The following IL36B variants were observed in gnomAD, a reference collection of about 807,000 sequenced individuals.
IL36B encodes interleukin-36 beta.
A neutral mutation model predicts 19.3 loss-of-function variants in IL36B; 23 were observed. The observed-to-expected ratio is 1.19, with a 90% confidence interval of 0.86 to 1.69. The LOEUF (loss-of-function observed/expected upper bound fraction) is 1.69. IL36B is among the 40% of genes most tolerant of loss of function. IL36B has a pLI of 0.00. For synonymous variants in IL36B, 59 were observed against 59.7 expected, an observed-to-expected ratio of 0.99 and a Z score of 0.05; for missense variants, 217 against 200.5, an observed-to-expected ratio of 1.08 and a Z score of -0.50.
intron 2 of IL36B, 60 bp downstream of exon 2, chr2:113,031,637 A>T: frequency 7.0e-7 from 1 of 1,425,702 alleles, no homozygotes; most frequent in Non-Finnish European, 9.9e-7. Context: ...CTTCCATCCT[A>T]TTGTCTTTGA....
At chr2:113,052,218 G>A (rs987013169) in intron 1 of IL36B, among the ~76,000 whole-genome samples, 2 of 152,104 alleles carry the variant, frequency 1.3e-5, no homozygotes, top group African/African-American at 4.8e-5. Flanking sequence ...CCAAGGTACT[G>A]GGATTACAGG....
intron 3 of IL36B, 97 bp downstream of exon 3, chr2:113,030,951 G>T: frequency 1.2e-6 from 1 of 831,064 alleles, no homozygotes; most frequent in South Asian, 1.4e-5. Flanking sequence ...GCCTAGAAGT[G>T]GGTGAGGTCC....
At chr2:113,052,414 C>T (rs1685465083) in intron 1 of IL36B, among the ~76,000 whole-genome samples, 1 of 152,296 alleles carries the variant, frequency 6.6e-6, no homozygotes, top group South Asian at 2.1e-4. Context: ...AGTCAAGCTG[C>T]AAGAGTACCA....
intron 1 of IL36B, among the ~76,000 whole-genome samples, chr2:113,037,330 T>G (rs1447899679): frequency 6.6e-6 from 1 of 152,182 alleles, no homozygotes; most frequent in Non-Finnish European, 1.5e-5. Context: ...CTTTGTGGCT[T>G]TTTTAGAAGA....
intron 1 of IL36B, among the ~76,000 whole-genome samples, chr2:113,044,248 A>C (rs1685308394): frequency 6.7e-6 from 1 of 149,272 alleles, no homozygotes; most frequent in Admixed American, 6.8e-5. Context: ...ACTTTGATAT[A>C]TCTATATCTA....
intron 4 of IL36B, chr2:113,027,660 G>T: frequency 7.5e-7 from 1 of 1,338,970 alleles, no homozygotes; most frequent in Non-Finnish European, 9.6e-7. Flanking sequence ...TGGATGGTGG[G>T]GTAAGATCAA....
chr2:113,022,955 T>C (rs1480505153), intron 5 of IL36B, among the ~76,000 whole-genome samples: 1 of 152,140 alleles, frequency 6.6e-6, no homozygotes, highest in Admixed American at 6.5e-5. Flanking sequence ...ATTATTACAG[T>C]GACTGGAGAA....
rs553704042 is a variant in IL36B, at chr2:113,035,959, T to TCGA, written c.-57-4194_-57-4193insTCG. Among the ~76,000 whole-genome samples, 19 of 152,324 alleles carry TCGA rather than the reference T, an allele frequency of 1.2e-4. No individual in the cohort carries two copies. The South Asian group carries it at 3.7e-3, about 30-fold the overall frequency. On this transcript the variant is annotated intron_variant, in intron 1 of 5. Transcript: ENST00000259213. ...TTTTGCACTTTTCGATTCTTTTGTT[T>TCGA]TTTTCTTTTCTTTTGCTCTGTCGCC...
chr2:113,031,915 A>G (rs1460247320), intron 1 of IL36B, 149 bp from the exon 2 acceptor site: 3 of 534,102 alleles, frequency 5.6e-6, no homozygotes, highest in Non-Finnish European at 9.9e-6. Context: ...AAGGATGGGT[A>G]CAGGACATTT....
intron 5 of IL36B, among the ~76,000 whole-genome samples, chr2:113,025,056 A>T (rs1684932168): frequency 6.6e-6 from 1 of 152,164 alleles, no homozygotes; most frequent in Non-Finnish European, 1.5e-5. Flanking sequence ...CTTGGACAAA[A>T]TGCAAACCCT....
intron 4 of IL36B, chr2:113,026,295 G>T (rs1684960591): frequency 1.2e-6 from 2 of 1,603,870 alleles, no homozygotes; most frequent in South Asian, 1.1e-5. Flanking sequence ...CTGTCTCAAA[G>T]TTGGTTGCAC....
At position 113,029,135 on chromosome 2, in the gene IL36B, G is replaced by C. The variant is rs1393929048; in HGVS notation, c.122-57C>G. 5.2e-6 allele frequency: 8 copies of C among 1,553,256 alleles called. No individual in the cohort carries two copies. In the South Asian group the frequency reaches 9.6e-5, roughly 19 times the overall value. ...TTCAGTCTTTCTGGTCTGACACTCA[G>C]TTACTCCCCCCAGGTAGGGAATAGT... On this transcript the variant is annotated intron_variant, in intron 3 of 5. Coordinates refer to ENST00000259213, the MANE Select transcript of IL36B (RefSeq NM_014438.5).
intron 4 of IL36B, chr2:113,028,082 T>A: frequency 6.2e-7 from 1 of 1,614,138 alleles, no homozygotes; most frequent in Non-Finnish European, 8.5e-7. Context: ...TTCTGTGCTT[T>A]CTTCTCCACA....
chr2:113,028,488 T>C (rs1392977183), intron 4 of IL36B, among the ~76,000 whole-genome samples: 1 of 152,216 alleles, frequency 6.6e-6, no homozygotes, highest in African/African-American at 2.4e-5. Context: ...TTTCCAACAA[T>C]AGCAGAAGAA....
intron 1 of IL36B, among the ~76,000 whole-genome samples, chr2:113,042,566 T>C (rs1236467569): frequency 6.6e-6 from 1 of 152,234 alleles, no homozygotes; most frequent in African/African-American, 2.4e-5. Flanking sequence ...TTTTGTAATT[T>C]TATATAAAGG....
intron 5 of IL36B, among the ~76,000 whole-genome samples, chr2:113,024,872 T>A (rs1210583595): frequency 6.6e-6 from 1 of 152,244 alleles, no homozygotes; most frequent in East Asian, 1.9e-4. Context: ...TCAGAAAACC[T>A]ATGTACTACG....
At chr2:113,050,005 T>G (rs1244525961) in intron 1 of IL36B, among the ~76,000 whole-genome samples, 5 of 150,632 alleles carry the variant, frequency 3.3e-5, no homozygotes, top group African/African-American at 1.2e-4. Flanking sequence ...GCACTGTTGG[T>G]GGGAATGTAA....
At chr2:113,024,111 A>G (rs1684909815) in intron 5 of IL36B, among the ~76,000 whole-genome samples, 1 of 152,206 alleles carries the variant, frequency 6.6e-6, no homozygotes, top group Non-Finnish European at 1.5e-5. Context: ...TGAATAGAAG[A>G]GATTCAGGGG....
chr2:113,046,208 C>CTTT (rs1179343491), intron 1 of IL36B, among the ~76,000 whole-genome samples: 1 of 11,188 alleles, frequency 8.9e-5, no homozygotes, highest in Non-Finnish European at 1.5e-4. Context: ...CAGGTTTTTT[C>CTTT]TTTTTTTTTT....
Sources: allele counts gnomAD v4.1 joint callset (sites outside exome capture counted in the v4.1 genomes callset), GRCh38; gene constraint gnomAD v4.1.1; transcripts MANE v1.5; gene names NCBI Gene and HGNC (gene_info 2026-07-23, HGNC 2026-07-21).